SHISA9: variants seen among roughly 807,000 people sequenced by gnomAD.
SHISA9 encodes protein shisa-9.
A neutral mutation model predicts 38.0 loss-of-function variants in SHISA9; 13 were observed. That is an observed-to-expected ratio of 0.34 (90% CI 0.22 to 0.54). The LOEUF (loss-of-function observed/expected upper bound fraction) is 0.54. Ranked by LOEUF, SHISA9 falls within the 20% of genes least tolerant of loss-of-function variation. The pLI is 0.91. For synonymous variants in SHISA9, 275 were observed against 242.0 expected, an observed-to-expected ratio of 1.14 and a Z score of -1.27; for missense variants, 538 against 575.8, an observed-to-expected ratio of 0.93 and a Z score of 0.67.
intron 1 of SHISA9, among the ~76,000 whole-genome samples, chr16:12,913,704 A>G (rs890375806): frequency 6.6e-6 from 1 of 152,114 alleles, no homozygotes; most frequent in Non-Finnish European, 1.5e-5. Flanking sequence ...CCATGAATCT[A>G]CTTTCCATCT....
At chr16:13,295,622 C>T in the SHISA9 span, among the ~76,000 whole-genome samples, 2 of 152,056 alleles carry the variant, frequency 1.3e-5, no homozygotes, top group African/African-American at 2.4e-5. Flanking sequence ...GGTCTTTTCA[C>T]CTCGGGGGGT....
chr16:13,262,935 C>T, the SHISA9 span, among the ~76,000 whole-genome samples: 3 of 152,108 alleles, frequency 2.0e-5, no homozygotes, highest in South Asian at 2.1e-4. Context: ...CCCAGGGCAC[C>T]TATGCCTTGC....
the SHISA9 span, among the ~76,000 whole-genome samples, chr16:13,300,882 CCT>C: frequency 7.9e-6 from 1 of 127,024 alleles, no homozygotes; most frequent in African/African-American, 3.0e-5. Context: ...TCTCCTCTCC[CCT>C]TTCTTTGTCT....
chr16:13,258,799 C>T, the SHISA9 span, among the ~76,000 whole-genome samples: 4 of 152,134 alleles, frequency 2.6e-5, no homozygotes, highest in Non-Finnish European at 5.9e-5. Context: ...GAAAAACTGG[C>T]TCCCATGATT....
the SHISA9 span, among the ~76,000 whole-genome samples, chr16:13,319,265 G>A: frequency 9.9e-5 from 15 of 152,150 alleles, no homozygotes; most frequent in East Asian, 1.7e-3. Flanking sequence ...TGCCTCAGGC[G>A]ACCCAAAGTG....
the SHISA9 span, among the ~76,000 whole-genome samples, chr16:13,378,354 T>C: frequency 6.6e-6 from 1 of 152,200 alleles, no homozygotes; most frequent in Non-Finnish European, 1.5e-5. Context: ...TCTCTCCATG[T>C]GGTGGCAGGA....
At chr16:13,015,444 T>G (rs761365107) in intron 2 of SHISA9, among the ~76,000 whole-genome samples, 2 of 152,260 alleles carry the variant, frequency 1.3e-5, no homozygotes, top group Non-Finnish European at 2.9e-5. Context: ...TTTGCCCAAC[T>G]GATGAGTGGG....
chr16:13,170,165 T>C (rs2050672797), intron 2 of SHISA9, among the ~76,000 whole-genome samples: 1 of 145,674 alleles, frequency 6.9e-6, no homozygotes, highest in African/African-American at 2.6e-5. Context: ...ATCGTGCCAT[T>C]GCACTCCAGC....
intron 4 of SHISA9, among the ~76,000 whole-genome samples, chr16:13,215,053 A>G (rs1309548357): frequency 1.3e-5 from 2 of 152,166 alleles, no homozygotes; most frequent in Non-Finnish European, 2.9e-5. Flanking sequence ...AGGCTCTTGC[A>G]GGTGGGTGGT....
At chr16:13,436,543 C>T in the SHISA9 span, among the ~76,000 whole-genome samples, 18 of 152,208 alleles carry the variant, frequency 1.2e-4, 1 homozygote, top group East Asian at 1.3e-3. Context: ...AGTCAATCAG[C>T]AGCTCTCAGG....
At chr16:13,277,055 G>C in the SHISA9 span, among the ~76,000 whole-genome samples, 2 of 151,980 alleles carry the variant, frequency 1.3e-5, no homozygotes, top group African/African-American at 2.4e-5. Flanking sequence ...CAGGTATTAG[G>C]TTTAAGTCCT....
chr16:12,971,882 C>CT (rs2072087564), intron 2 of SHISA9, among the ~76,000 whole-genome samples: 1 of 152,132 alleles, frequency 6.6e-6, no homozygotes, highest in Non-Finnish European at 1.5e-5. Context: ...TTAGCTTTCT[C>CT]TTTAGAGAAC....
the SHISA9 span, among the ~76,000 whole-genome samples, chr16:13,500,630 G>C: frequency 2.0e-5 from 3 of 148,054 alleles, no homozygotes; most frequent in African/African-American, 5.0e-5. Flanking sequence ...GGGAGAGGGA[G>C]AGAAGGAGGG....
At chr16:13,016,134 T>C (rs1453626287) in intron 2 of SHISA9, among the ~76,000 whole-genome samples, 1 of 150,790 alleles carries the variant, frequency 6.6e-6, no homozygotes, top group African/African-American at 2.4e-5. Context: ...ATTACAGGCC[T>C]GTGTCTGCTA....
intron 4 of SHISA9, 38 bp downstream of exon 4, chr16:13,213,338 T>A (rs1226003743): frequency 6.5e-7 from 1 of 1,540,676 alleles, no homozygotes; most frequent in Non-Finnish European, 8.8e-7. Context: ...TGTCCAGGTG[T>A]TGTCAAAGTT....
chr16:13,329,149 G>A, the SHISA9 span, among the ~76,000 whole-genome samples: 1 of 152,142 alleles, frequency 6.6e-6, no homozygotes, highest in Non-Finnish European at 1.5e-5. Context: ...GATTGGGGTA[G>A]GGCGACCAGC....
Position 13,149,277 on chromosome 16 carries a change from G to A in SHISA9, c.692-54117G>A, listed in dbSNP as rs558954602. 1.2e-3 allele frequency among the ~76,000 whole-genome samples: 180 copies of A among 152,310 alleles called. 2 individuals carry two copies. Among genetic ancestry groups the A allele is most frequent in the African/African-American group, 4.2e-3 (175 of 41,572 alleles). Reference sequence around the variant, plus strand: ...AAGGGCTGGGACTCCAGCTGCCCAGGCTGATGTCCTGAGCCTGGCATTGAA... The same window carrying A: ...AAGGGCTGGGACTCCAGCTGCCCAGACTGATGTCCTGAGCCTGGCATTGAA... On this transcript the variant is annotated intron_variant, in intron 2 of 4. Transcript: ENST00000558583.
intron 2 of SHISA9, among the ~76,000 whole-genome samples, chr16:13,074,304 A>C (rs2073555273): frequency 6.6e-6 from 1 of 151,952 alleles, no homozygotes; most frequent in Non-Finnish European, 1.5e-5. Context: ...GTTTGTAGAA[A>C]TTTGTTATGG....
At chr16:13,008,038 C>A (rs2072620779) in intron 2 of SHISA9, among the ~76,000 whole-genome samples, 1 of 152,148 alleles carries the variant, frequency 6.6e-6, no homozygotes, top group Non-Finnish European at 1.5e-5. Context: ...ACGGTTTTCT[C>A]CAGCCATAAG....
Sources: gnomAD v4.1 joint callset for allele counts (sites outside exome capture counted in the v4.1 genomes callset) on GRCh38, gnomAD v4.1.1 for gene constraint, MANE v1.5 for transcripts, NCBI Gene and HGNC (gene_info 2026-07-23, HGNC 2026-07-21) for gene names.